RAD21: variants seen among roughly 807,000 people sequenced by gnomAD.
RAD21 encodes RAD21 cohesin complex component.
A neutral mutation model predicts 71.5 loss-of-function variants in RAD21; 18 were observed. That is an observed-to-expected ratio of 0.25 (90% CI 0.17 to 0.37). RAD21 has a LOEUF of 0.37. Among genes scored for constraint, RAD21 ranks in the 10% least tolerant of loss-of-function variants. The probability of loss-of-function intolerance (pLI) is 1.00; values close to 1 mark genes in which losing one functional copy is unlikely to be tolerated. For missense variants in RAD21, 493 were observed against 769.1 expected, an observed-to-expected ratio of 0.64 and a Z score of 4.25; for synonymous variants, 248 against 254.0, an observed-to-expected ratio of 0.98 and a Z score of 0.22.
At chr8:116,874,170 G>A (rs1286020975) in intron 1 of RAD21, 1 of 152,054 alleles carries the variant, frequency 6.6e-6, no homozygotes, top group East Asian at 1.9e-4. Flanking sequence ...CGGGCGCCGG[G>A]CCCGCCACCG....
At chr8:116,870,631 A>T (rs1293461437) in intron 1 of RAD21, among the ~76,000 whole-genome samples, 1 of 152,222 alleles carries the variant, frequency 6.6e-6, no homozygotes, top group Non-Finnish European at 1.5e-5. Context: ...ACTTTACAGA[A>T]ATCCAACATA....
rs1180178416 is a variant in RAD21, at chr8:116,846,639, T to C, written c.*861A>G. The C allele has an allele frequency of 8.8e-6, 2 of 226,440 alleles. No homozygotes were observed. The highest frequency in any genetic ancestry group is 1.8e-5 in the Non-Finnish European group (2 of 113,594). 14.0% of individuals were successfully genotyped at this position (226,440 alleles called of 1,614,324 possible). ...GACCAGGTGCATAATTTCCCATCAG[T>C]CTGTCCTTGTAGTAGGCAGGGCAAT... On this transcript the variant is annotated 3_prime_UTR_variant, in exon 14 of 14. Transcript: ENST00000297338.
In RAD21 at chr8:116,862,102, C is replaced by G. The variant is rs1455565467; in HGVS notation, c.275-162G>C. ...ACAAGTACTTCTCTTTTTCCATGCTCATAAATTGTATTCCTTGCTTTAGGA... is the reference window on the plus strand; with the variant it reads ...ACAAGTACTTCTCTTTTTCCATGCTGATAAATTGTATTCCTTGCTTTAGGA... On this transcript the variant is annotated intron_variant, in intron 3 of 13. Transcript: ENST00000297338. Among the ~76,000 whole-genome samples the G allele has an allele frequency of 2.0e-5, 3 of 152,232 alleles. No individual in the cohort carries two copies. In the East Asian group the frequency reaches 5.8e-4, roughly 29 times the overall value.
In RAD21 at chr8:116,872,661, G is replaced by A. The variant is rs1387740694; in HGVS notation, c.-33+1950C>T. Among the ~76,000 whole-genome samples the A allele has an allele frequency of 2.0e-5, 3 of 152,072 alleles. No homozygotes were observed. The East Asian group carries it at 5.8e-4, about 29-fold the overall frequency. On this transcript the variant is annotated intron_variant, in intron 1 of 13. Transcript: ENST00000297338. ...ATAATCCTGCTATTGTCATTAACTA[G>A]CAGTTAAGCTGCCTAACCTTTATGC... is the stretch of plus-strand genomic sequence containing the variant.
intron 2 of RAD21, 149 bp from the exon 3 acceptor site, chr8:116,863,408 A>T: frequency 1.2e-6 from 1 of 867,980 alleles, no homozygotes; most frequent in Non-Finnish European, 1.7e-6. Flanking sequence ...ATATCCTGAA[A>T]AGACAGAGTG....
chr8:116,856,672 T>A lies in RAD21; in HGVS notation c.788A>T (p.Asp263Val). Residue 263 changes from aspartate to valine, a missense_variant, in exon 7 of 14, where the codon GAT (aspartate) becomes GTT (valine). This residue lies in a region of RAD21 where 165 missense variants were observed against 229.6 expected (regional missense o/e 0.72). Coordinates refer to ENST00000297338, the MANE Select transcript of RAD21 (RefSeq NM_006265.3). ...TGATACATTATCATCCTCATCCATA[T>A]CGTCATGTGCAGGCTGCTCTGGCAA... ...VMLPEQPAHD[D>V]MDEDDNVSMG... The A allele has an allele frequency of 6.3e-7, 1 of 1,596,096 alleles. No individual in the cohort carries two copies. The highest frequency in any genetic ancestry group is 8.5e-7 in the Non-Finnish European group (1 of 1,171,134).
chr8:116,857,849 C>T (rs1302478181), intron 5 of RAD21, among the ~76,000 whole-genome samples: 1 of 152,172 alleles, frequency 6.6e-6, no homozygotes, highest in African/African-American at 2.4e-5. Context: ...GTGGCATGTG[C>T]CTGTAGTCCC....
At chr8:116,865,408 C>A (rs576782328) in intron 2 of RAD21, among the ~76,000 whole-genome samples, 3 of 150,546 alleles carry the variant, frequency 2.0e-5, no homozygotes, top group Non-Finnish European at 4.4e-5. Flanking sequence ...CTACGTTTTC[C>A]ATTAACTTAT....
intron 4 of RAD21, among the ~76,000 whole-genome samples, chr8:116,860,048 T>G (rs1812556861): frequency 6.6e-6 from 1 of 152,104 alleles, no homozygotes; most frequent in South Asian, 2.1e-4. Flanking sequence ...ATGCATGACT[T>G]TGAGGGGTTC....
chr8:116,849,355 C>T (rs1332829273), intron 12 of RAD21: 1 of 269,714 alleles, frequency 3.7e-6, no homozygotes, highest in Non-Finnish European at 6.9e-6. Flanking sequence ...GGTTACTGGC[C>T]CCTCTTAAAG....
chr8:116,861,735 T>C, intron 4 of RAD21, 106 bp downstream of exon 4: 3 of 719,946 alleles, frequency 4.2e-6, no homozygotes, highest in Non-Finnish European at 7.1e-6. Flanking sequence ...TATATGCATT[T>C]TAGCTGTTAA....
intron 8 of RAD21, among the ~76,000 whole-genome samples, chr8:116,855,894 T>C (rs1259415632): frequency 6.6e-6 from 1 of 152,190 alleles, no homozygotes; most frequent in Non-Finnish European, 1.5e-5. Flanking sequence ...TTCTATACTT[T>C]TGTATTTCAC....
chr8:116,860,263 G>GA, intron 4 of RAD21, among the ~76,000 whole-genome samples: 1 of 152,308 alleles, frequency 6.6e-6, no homozygotes, highest in South Asian at 2.1e-4. Context: ...GAATATTGCT[G>GA]AAACAACTAC....
Position 116,856,669 on chromosome 8 carries a change from A to G in RAD21, c.791T>C (p.Met264Thr), listed in dbSNP as rs1812475062. The G allele has an allele frequency of 2.5e-6, 4 of 1,596,056 alleles. No homozygotes were observed. The highest frequency in any genetic ancestry group is 3.4e-6 in the Non-Finnish European group (4 of 1,171,214). The change falls in exon 7 of 14, where the codon ATG becomes ACG. Residue 264 changes from methionine to threonine, a missense_variant. Physicochemically the swap from Met to Thr is moderately conservative, Grantham distance 81. Transcript: ENST00000297338. ...MLPEQPAHDD[M>T]DEDDNVSMGG... ...ACTTGATACATTATCATCCTCATCC[A>G]TATCGTCATGTGCAGGCTGCTCTGG... is the stretch of plus-strand genomic sequence containing the variant.
chr8:116,860,186 T>TA (rs1812560441), intron 4 of RAD21, among the ~76,000 whole-genome samples: 1 of 152,198 alleles, frequency 6.6e-6, no homozygotes, highest in African/African-American at 2.4e-5. Context: ...AATGAGGAGT[T>TA]ACTTCTTATG....
intron 8 of RAD21, 135 bp downstream of exon 8, chr8:116,856,031 A>T: frequency 1.0e-6 from 1 of 994,976 alleles, no homozygotes; most frequent in Non-Finnish European, 1.4e-6. Context: ...GCAGATCAGT[A>T]GACAGGCCAA....
intron 4 of RAD21, among the ~76,000 whole-genome samples, chr8:116,859,410 T>C (rs770885830): frequency 2.0e-5 from 3 of 152,108 alleles, no homozygotes; most frequent in Non-Finnish European, 2.9e-5. Context: ...TTCCTTATTT[T>C]TTAGTAGACA....
At chr8:116,865,202 T>C (rs1812665369) in intron 2 of RAD21, among the ~76,000 whole-genome samples, 1 of 152,186 alleles carries the variant, frequency 6.6e-6, no homozygotes, top group Non-Finnish European at 1.5e-5. Context: ...CTGAACTGTC[T>C]GCTTTCCTTT....
At position 116,846,649 on chromosome 8, in the gene RAD21, T is replaced by C. The variant is rs1407013457; in HGVS notation, c.*851A>G. On this transcript the variant is annotated 3_prime_UTR_variant, in exon 14 of 14. Coordinates refer to ENST00000297338, the MANE Select transcript of RAD21 (RefSeq NM_006265.3). The stretch of plus-strand genomic sequence containing the variant: ...ATAATTTCCCATCAGTCTGTCCTTG[T>C]AGTAGGCAGGGCAATTTCTGTTTTC... 16 of 225,656 alleles carry C rather than the reference T, an allele frequency of 7.1e-5. No homozygotes were observed. The South Asian group carries it at 1.6e-3, about 23-fold the overall frequency. 14.0% of individuals were successfully genotyped at this position (225,656 alleles called of 1,614,324 possible). A position where few individuals can be genotyped will look rare whatever the true frequency, so the allele number is the denominator to read the frequency against.
Sources: allele counts gnomAD v4.1 joint callset (sites outside exome capture counted in the v4.1 genomes callset), GRCh38; gene constraint gnomAD v4.1.1; regional missense constraint gnomAD v4.1.1; transcripts MANE v1.5; gene names NCBI Gene and HGNC (gene_info 2026-07-23, HGNC 2026-07-21).